The following LOC128462377 variants were observed in gnomAD, a reference collection of about 807,000 sequenced individuals.
chr16:89,319,549 C>T, the LOC128462377 span, among the ~76,000 whole-genome samples: 5 of 152,234 alleles, frequency 3.3e-5, no homozygotes, highest in African/African-American at 4.8e-5. Context: ...CCAGGACCCT[C>T]GTGTCCGCCT....
chr16:89,317,178 G>A, the LOC128462377 span: 1 of 872,014 alleles, frequency 1.1e-6, no homozygotes, highest in Non-Finnish European at 1.8e-6. Context: ...AGTCAAGGCA[G>A]GCAGCTGCTC....
chr16:89,341,432 C>G, the LOC128462377 span, among the ~76,000 whole-genome samples: 8 of 152,372 alleles, frequency 5.3e-5, no homozygotes, highest in East Asian at 1.5e-3. Flanking sequence ...CCCCACCAAG[C>G]AGCTTCCCAG....
chr16:89,388,080 G>T, the LOC128462377 span, among the ~76,000 whole-genome samples: 1 of 151,184 alleles, frequency 6.6e-6, no homozygotes. Context: ...TTACAAAAAA[G>T]TTGCAAAAAT....
At chr16:89,373,171 C>T in the LOC128462377 span, 2 of 152,260 alleles carry the variant, frequency 1.3e-5, no homozygotes, top group Non-Finnish European at 2.9e-5. Flanking sequence ...AAGGCCTTCA[C>T]AGATCATCCA....
chr16:89,367,828 C>T, the LOC128462377 span, among the ~76,000 whole-genome samples: 1 of 151,998 alleles, frequency 6.6e-6, no homozygotes, highest in Admixed American at 6.6e-5. Flanking sequence ...GGCAACATGG[C>T]GAAACCCTGT....
At chr16:89,380,771 C>A in the LOC128462377 span, among the ~76,000 whole-genome samples, 1 of 152,250 alleles carries the variant, frequency 6.6e-6, no homozygotes, top group Admixed American at 6.5e-5. Context: ...GGGGCATCTC[C>A]TGCACGGGCA....
the LOC128462377 span, among the ~76,000 whole-genome samples, chr16:89,347,329 G>A: frequency 3.3e-5 from 5 of 152,168 alleles, no homozygotes; most frequent in Non-Finnish European, 2.9e-5. Context: ...GTTCCGTTCG[G>A]CCGGGCACAC....
the LOC128462377 span, among the ~76,000 whole-genome samples, chr16:89,363,152 G>T: frequency 6.6e-6 from 1 of 152,062 alleles, no homozygotes; most frequent in Non-Finnish European, 1.5e-5. Context: ...AAACAGCTGG[G>T]AACACGCCTA....
the LOC128462377 span, among the ~76,000 whole-genome samples, chr16:89,413,618 C>T: frequency 1.3e-5 from 2 of 152,012 alleles, no homozygotes; most frequent in Non-Finnish European, 2.9e-5. Context: ...GCCAGACTGT[C>T]TCAAAAAAAG....
the LOC128462377 span, among the ~76,000 whole-genome samples, chr16:89,330,491 T>C: frequency 6.6e-6 from 1 of 151,444 alleles, no homozygotes; most frequent in Non-Finnish European, 1.5e-5. Flanking sequence ...GACATGTCCG[T>C]GGGGCTACGT....
chr16:89,338,081 A>G, the LOC128462377 span, among the ~76,000 whole-genome samples: 2 of 152,266 alleles, frequency 1.3e-5, no homozygotes, highest in African/African-American at 2.4e-5. Context: ...GCCACTCAGG[A>G]GCCCCAGGGG....
At chr16:89,414,048 G>A in the LOC128462377 span, among the ~76,000 whole-genome samples, 5 of 151,052 alleles carry the variant, frequency 3.3e-5, no homozygotes, top group Admixed American at 6.6e-5. Flanking sequence ...TCCGCCACGG[G>A]CCTGCACACC....
the LOC128462377 span, among the ~76,000 whole-genome samples, chr16:89,344,702 G>T: frequency 9.2e-5 from 14 of 152,212 alleles, 1 homozygote; most frequent in South Asian, 2.1e-3. Flanking sequence ...CTTCAGACTG[G>T]GAAGAACAAA....
the LOC128462377 span, among the ~76,000 whole-genome samples, chr16:89,406,505 G>A: frequency 6.6e-6 from 1 of 152,216 alleles, no homozygotes; most frequent in Non-Finnish European, 1.5e-5. Flanking sequence ...CATGTTCGTT[G>A]GCCATGCCCG....
At chr16:89,343,229 G>C in the LOC128462377 span, among the ~76,000 whole-genome samples, 1 of 152,190 alleles carries the variant, frequency 6.6e-6, no homozygotes, top group African/African-American at 2.4e-5. Context: ...GACCTCAAGA[G>C]TGATCCACCC....
At chr16:89,322,356 TG>T in the LOC128462377 span, among the ~76,000 whole-genome samples, 2 of 152,224 alleles carry the variant, frequency 1.3e-5, no homozygotes, top group African/African-American at 4.8e-5. Flanking sequence ...ACGTACGTCC[TG>T]GGCAAATGCT....
chr16:89,357,035 C>T, the LOC128462377 span, among the ~76,000 whole-genome samples: 2 of 152,184 alleles, frequency 1.3e-5, no homozygotes, highest in African/African-American at 4.8e-5. Context: ...AACAGCCAGG[C>T]TTGACATCTT....
chr16:89,404,200 G>T, the LOC128462377 span, among the ~76,000 whole-genome samples: 2 of 152,160 alleles, frequency 1.3e-5, no homozygotes, highest in African/African-American at 2.4e-5. Flanking sequence ...AGGCAGCATG[G>T]GGTTGAGAGG....
the LOC128462377 span, among the ~76,000 whole-genome samples, chr16:89,382,588 C>T: frequency 1.3e-5 from 2 of 152,112 alleles, no homozygotes; most frequent in Admixed American, 6.6e-5. Flanking sequence ...CCATCCACTT[C>T]GGCCTCCCAA....
Sources: gnomAD v4.1 joint callset for allele counts (sites outside exome capture counted in the v4.1 genomes callset) on GRCh38, gnomAD v4.1.1 for gene constraint, MANE v1.5 for transcripts.